The following MAN2B2 variants were observed in gnomAD, a reference collection of about 807,000 sequenced individuals.
The protein encoded by MAN2B2 is epididymis-specific alpha-mannosidase.
A neutral mutation model predicts 117.1 loss-of-function variants in MAN2B2; 106 were observed. The ratio of observed to expected loss-of-function variants is 0.90; its 90% confidence interval spans 0.77 to 1.06. MAN2B2 has a LOEUF of 1.06. MAN2B2 is among the 50% of genes least tolerant of loss of function. The probability of loss-of-function intolerance (pLI) is 0.00; values close to 1 mark genes in which losing one functional copy is unlikely to be tolerated. For synonymous variants in MAN2B2, 544 were observed against 595.1 expected, an observed-to-expected ratio of 0.91 and a Z score of 1.25; for missense variants, 1,326 against 1,381.4, an observed-to-expected ratio of 0.96 and a Z score of 0.64.
At chr4:6,589,971 G>A (rs1726791462) in intron 5 of MAN2B2, among the ~76,000 whole-genome samples, 1 of 151,998 alleles carries the variant, frequency 6.6e-6, no homozygotes, top group Non-Finnish European at 1.5e-5. Context: ...GGAGGTTGAG[G>A]CAGAAGGGTC....
At position 6,619,956 on chromosome 4, in the gene MAN2B2, G is replaced by A. The variant is rs1319781245; in HGVS notation, c.2844G>A (p.Val948=). Residue 948 remains valine, a synonymous_variant, in exon 18 of 19, where the codon GTG becomes GTA. Transcript: ENST00000285599. The stretch of plus-strand genomic sequence containing the variant: ...TGCTGCAGGCGCTGGGGTCCGTGGT[G>A]GCAGTGGAGGAGCGCTCGCTCACAG... ...EAVLQALGSV[V]AVEERSLTGT... 3 of 1,613,942 alleles carry A rather than the reference G, an allele frequency of 1.9e-6. No individual in the cohort carries two copies. The highest frequency in any genetic ancestry group is 1.7e-5 in the Admixed American group (1 of 60,024).
intron 4 of MAN2B2, among the ~76,000 whole-genome samples, chr4:6,587,425 T>C (rs1385243617): frequency 2.0e-5 from 3 of 152,130 alleles, no homozygotes; most frequent in Admixed American, 6.5e-5. Flanking sequence ...CCTATCTCCA[T>C]CAGCTGGGCC....
At position 6,621,424 on chromosome 4, in the gene MAN2B2, G is replaced by A; in HGVS notation, c.*139G>A. 1 of 649,070 alleles carries A rather than the reference G, an allele frequency of 1.5e-6. No homozygotes were observed. The highest frequency in any genetic ancestry group is 2.6e-6 in the Non-Finnish European group (1 of 390,700). 40.2% of individuals were successfully genotyped at this position (649,070 alleles called of 1,614,324 possible). ...ATCTGCAGGCTAATGGCAGGAAATG[G>A]TCATATTTGGGGTTTTTCCCTAATT... On this transcript the variant is annotated 3_prime_UTR_variant, in exon 19 of 19. Coordinates refer to ENST00000285599, the MANE Select transcript of MAN2B2 (RefSeq NM_015274.3).
chr4:6,614,589 C>T (rs1218003745), intron 16 of MAN2B2, among the ~76,000 whole-genome samples: 1 of 152,186 alleles, frequency 6.6e-6, no homozygotes, highest in Non-Finnish European at 1.5e-5. Flanking sequence ...CCAGCGCATT[C>T]TGAATGGATC....
At chr4:6,603,530 C>A (rs943962035) in intron 10 of MAN2B2, among the ~76,000 whole-genome samples, 1 of 151,990 alleles carries the variant, frequency 6.6e-6, no homozygotes, top group African/African-American at 2.4e-5. Context: ...CTGAGCAGAC[C>A]CCCACACACA....
rs1560632395 is a variant in MAN2B2, at chr4:6,576,671, GA to G, written c.233del (p.Glu78GlyfsTer42). 1 of 1,614,030 alleles carries G rather than the reference GA, an allele frequency of 6.2e-7. No homozygotes were observed. On this transcript the variant is annotated frameshift_variant, in exon 2 of 19. Transcript: ENST00000285599. LOFTEE classifies it high-confidence loss of function. ...GCGCCGGTTCATCGCTGTGGAGCAGGAGTTTTTCCGGCTGTGGTGGGATGGC... is the reference window on the plus strand; with the variant it reads ...GCGCCGGTTCATCGCTGTGGAGCAGGGTTTTTCCGGCTGTGGTGGGATGGC... ...QQRRFIAVEQ[E>X]FFRLWWDGVA...
Position 6,575,256 on chromosome 4 carries a change from C to G in MAN2B2, c.46C>G (p.Leu16Val), listed in dbSNP as rs1226757941. Residue 16 changes from leucine to valine, a missense_variant, in exon 1 of 19, where the codon CTG (leucine) becomes GTG (valine). Coordinates refer to ENST00000285599, the MANE Select transcript of MAN2B2 (RefSeq NM_015274.3). ...WLPLLAPLLL[L>V]RPPGVQSAGP... ...GCCGCTGCTGGCACCGCTCCTGTTG[C>G]TGCGACCGCCAGGGGTCCAGTCCGC... 1 of 1,547,746 alleles carries G rather than the reference C, an allele frequency of 6.5e-7. No homozygotes were observed. Among genetic ancestry groups the G allele is most frequent in the Admixed American group, 1.9e-5 (1 of 51,980 alleles).
intron 10 of MAN2B2, among the ~76,000 whole-genome samples, chr4:6,601,022 CCCAAAATCTCACAAG>C (rs1196481823): frequency 1.3e-5 from 2 of 152,094 alleles, no homozygotes; most frequent in Non-Finnish European, 2.9e-5. Context: ...GAGTTAGGGG[CCCAAAATCTCACAAG>C]ACCCCTAATT....
intron 16 of MAN2B2, among the ~76,000 whole-genome samples, chr4:6,616,213 A>G (rs1711864965): frequency 6.6e-6 from 1 of 152,132 alleles, no homozygotes; most frequent in African/African-American, 2.4e-5. Context: ...GGGTTTAGGA[A>G]GCACCTGTGT....
At chr4:6,577,187 T>A (rs753326925) in intron 2 of MAN2B2, among the ~76,000 whole-genome samples, 4 of 151,902 alleles carry the variant, frequency 2.6e-5, no homozygotes, top group South Asian at 2.1e-4. Context: ...AGAGTCAGAG[T>A]CCCCGCTGCA....
At chr4:6,579,253 CCAT>C (rs1349433904) in intron 3 of MAN2B2, among the ~76,000 whole-genome samples, 6 of 81,516 alleles carry the variant, frequency 7.4e-5, no homozygotes, top group South Asian at 4.7e-4. Flanking sequence ...CCCTTCACCA[CCAT>C]CACCACCACC....
chr4:6,589,003 C>T, intron 4 of MAN2B2, 42 bp from the exon 5 acceptor site: 1 of 1,475,754 alleles, frequency 6.8e-7, no homozygotes, highest in Non-Finnish European at 9.5e-7. Flanking sequence ...GCTGGGGCAG[C>T]CATGTGGCCC....
chr4:6,597,999 C>G (rs1727169548), intron 8 of MAN2B2, among the ~76,000 whole-genome samples, 199 bp from the exon 9 acceptor site: 1 of 152,230 alleles, frequency 6.6e-6, no homozygotes, highest in Non-Finnish European at 1.5e-5. Context: ...TGAGTTCCCA[C>G]AAGGGCAGGA....
intron 15 of MAN2B2, 29 bp downstream of exon 15, chr4:6,611,307 C>T: frequency 6.4e-7 from 1 of 1,566,958 alleles, no homozygotes; most frequent in African/African-American, 1.3e-5. Flanking sequence ...AGAGTAACAT[C>T]ATCACTGCCT....
chr4:6,580,750 T>C (rs4532306), intron 3 of MAN2B2, among the ~76,000 whole-genome samples: 57,188 of 152,048 alleles, frequency 0.38, 11,156 homozygotes, highest in East Asian at 0.6. Context: ...GACCACTGCT[T>C]ACTGGGCAAG....
intron 1 of MAN2B2, 134 bp from the exon 2 acceptor site, chr4:6,576,444 G>A (rs539223475): frequency 3.9e-6 from 4 of 1,027,026 alleles, no homozygotes; most frequent in East Asian, 4.8e-5. Context: ...CCTAATAGCT[G>A]TGTGGGGGGT....
In MAN2B2 at chr4:6,600,685, A is replaced by G. The variant is rs1322980312; in HGVS notation, c.1468A>G (p.Ile490Val). The change falls in exon 10 of 19, where the codon ATC becomes GTC. Residue 490 changes from isoleucine (I) to valine (V), a missense_variant. Ile to Val is a conservative substitution (Grantham distance 29). Transcript: ENST00000285599. The part of the protein sequence containing the change: ...YNPLAWTVTT[I>V]VTLTVGFPGV... The stretch of plus-strand genomic sequence containing the variant: ...CCCGCTGGCCTGGACGGTCACCACC[A>G]TCGTCACCCTGACTGTTGGTTTCCC... 3 of 1,614,020 alleles carry G rather than the reference A, an allele frequency of 1.9e-6. No homozygotes were observed. In the South Asian group the frequency reaches 3.3e-5, roughly 18 times the overall value.
At chr4:6,605,405 C>T in intron 11 of MAN2B2, 76 bp downstream of exon 11, 1 of 1,493,330 alleles carries the variant, frequency 6.7e-7, no homozygotes, top group Non-Finnish European at 9.0e-7. Context: ...TACCTGGATT[C>T]TCCATTTGCT....
Position 6,600,613 on chromosome 4 carries a change from C to G in MAN2B2, c.1406-10C>G, listed in dbSNP as rs201943762. 101 of 1,613,478 alleles carry G rather than the reference C, an allele frequency of 6.3e-5. No individual in the cohort carries two copies. Among genetic ancestry groups the G allele is most frequent in the Middle Eastern group, 1.7e-4 (1 of 6,052 alleles). On this transcript the variant is annotated splice_polypyrimidine_tract_variant and intron_variant, in intron 9 of 18. Transcript: ENST00000285599. The stretch of plus-strand genomic sequence containing the variant: ...ACATGGCACAAGCAAAGCCTCTTCT[C>G]TGTGTGCAGATGCAGGACCTGCAGG...
Sources: allele counts gnomAD v4.1 joint callset (sites outside exome capture counted in the v4.1 genomes callset), GRCh38; gene constraint gnomAD v4.1.1; transcripts MANE v1.5; gene names NCBI Gene and HGNC (gene_info 2026-07-23, HGNC 2026-07-21).